PDE4D: variants seen among roughly 807,000 people sequenced by gnomAD.
PDE4D encodes 3',5'-cyclic-AMP phosphodiesterase 4D.
In PDE4D, 24 loss-of-function variants were observed where a neutral mutation model predicts 87.4. The observed-to-expected ratio is 0.27, with a 90% CI of 0.20 to 0.39. The LOEUF is 0.39. Among genes scored for constraint, PDE4D ranks in the 10% least tolerant of loss-of-function variants. The pLI, the probability that PDE4D is intolerant of heterozygous loss-of-function variation, is 1.00. For missense variants in PDE4D, 714 were observed against 1,041.0 expected (o/e 0.69, Z 4.32); for synonymous variants, 384 against 383.2 (o/e 1.00, Z -0.02).
intron 1 of PDE4D, among the ~76,000 whole-genome samples, chr5:60,311,636 TA>T (rs1313242787): frequency 6.6e-6 from 1 of 152,144 alleles, no homozygotes; most frequent in Non-Finnish European, 1.5e-5. Context: ...AGATCACTGA[TA>T]CTATAAAGCA....
chr5:59,207,926 G>A (rs1378065157), intron 2 of PDE4D, among the ~76,000 whole-genome samples: 1 of 151,650 alleles, frequency 6.6e-6, no homozygotes, highest in African/African-American at 2.4e-5. Flanking sequence ...GGGAGGCCAA[G>A]GTGGGAGGAT....
intron 1 of PDE4D, among the ~76,000 whole-genome samples, chr5:59,230,870 C>A (rs1284461813): frequency 1.3e-5 from 2 of 152,174 alleles, no homozygotes; most frequent in East Asian, 3.9e-4. Context: ...GGTTGTGTGG[C>A]CTGAATTACA....
intron 1 of PDE4D, among the ~76,000 whole-genome samples, chr5:60,219,507 C>T (rs2910827): frequency 0.19 from 28,506 of 152,080 alleles, 2,961 homozygotes; most frequent in Middle Eastern, 0.29. Context: ...ACGTCAGATA[C>T]GTGGGATACA....
At chr5:60,005,090 G>A (rs1245175150) in intron 2 of PDE4D, among the ~76,000 whole-genome samples, 1 of 151,906 alleles carries the variant, frequency 6.6e-6, no homozygotes, top group Non-Finnish European at 1.5e-5. Context: ...GAGAAACTGT[G>A]GTGTATATAC....
chr5:59,181,268 GT>G (rs1327827979), intron 4 of PDE4D, among the ~76,000 whole-genome samples: 1 of 151,072 alleles, frequency 6.6e-6, no homozygotes, highest in Non-Finnish European at 1.5e-5. Context: ...TGTTCTCTAA[GT>G]TTTCAGATGT....
intron 1 of PDE4D, among the ~76,000 whole-genome samples, chr5:59,678,342 T>G (rs1034550509): frequency 1.3e-5 from 2 of 152,238 alleles, no homozygotes; most frequent in Admixed American, 1.3e-4. Flanking sequence ...GTTGGTTTCA[T>G]ACTTTAGCCC....
intron 2 of PDE4D, among the ~76,000 whole-genome samples, chr5:59,995,321 CT>C (rs70975357): frequency 1.3e-3 from 188 of 140,100 alleles, no homozygotes; most frequent in African/African-American, 1.6e-3. Flanking sequence ...TTCTTTCTTT[CT>C]TTTTTTTTTT....
intron 2 of PDE4D, among the ~76,000 whole-genome samples, chr5:60,077,432 C>G (rs1448207804): frequency 1.3e-5 from 2 of 152,140 alleles, no homozygotes; most frequent in East Asian, 3.9e-4. Flanking sequence ...GACTGCTATG[C>G]TGGAGCACTC....
intron 2 of PDE4D, among the ~76,000 whole-genome samples, chr5:60,140,079 T>C (rs1780397491): frequency 6.6e-6 from 1 of 152,026 alleles, no homozygotes; most frequent in Non-Finnish European, 1.5e-5. Context: ...TCTATTTAAT[T>C]TGTATTATTG....
chr5:60,038,421 G>C (rs1768063017), intron 2 of PDE4D, among the ~76,000 whole-genome samples: 1 of 152,070 alleles, frequency 6.6e-6, no homozygotes, highest in Admixed American at 6.6e-5. Flanking sequence ...GTTCGTCAAA[G>C]ATCAGATAGT....
chr5:59,512,712 TC>T (rs1417481241), intron 1 of PDE4D, among the ~76,000 whole-genome samples: 1 of 152,090 alleles, frequency 6.6e-6, no homozygotes, highest in Non-Finnish European at 1.5e-5. Flanking sequence ...AACTCAGAAA[TC>T]AGTTGACAGA....
Position 60,197,077 on chromosome 5 carries a change from T to TTAGATAGATAGATAGA in PDE4D, c.-89-11406_-89-11391dup, listed in dbSNP as rs70975372. ...GATAGATAGATAGATAGATAGACAG[T>TTAGATAGATAGATAGA]TAGATAGATAGATAGATAGATAGAT... is the stretch of plus-strand genomic sequence containing the variant. On this transcript the variant is annotated intron_variant, in intron 1 of 16. Coordinates refer to the PDE4D transcript ENST00000502484. 5.8e-4 allele frequency among the ~76,000 whole-genome samples: 68 copies of TTAGATAGATAGATAGA among 117,490 alleles called. 1 individual carries two copies. Among genetic ancestry groups the TTAGATAGATAGATAGA allele is most frequent in the South Asian group, 1.4e-3 (5 of 3,486 alleles). The allele number at this position is 117,490 out of a possible 152,430, so 77.1% of individuals were successfully genotyped here.
At chr5:59,304,205 T>C (rs1261696567) in intron 1 of PDE4D, among the ~76,000 whole-genome samples, 2 of 152,118 alleles carry the variant, frequency 1.3e-5, no homozygotes, top group African/African-American at 4.8e-5. Flanking sequence ...TTGGTCACTG[T>C]TGGTATATAG....
chr5:59,088,751 A>G (rs1218528901), intron 5 of PDE4D, among the ~76,000 whole-genome samples: 3 of 152,162 alleles, frequency 2.0e-5, no homozygotes, highest in Admixed American at 1.3e-4. Flanking sequence ...ACTCATGGAC[A>G]CATAGAGGGA....
chr5:59,832,012 T>C (rs961885567), intron 1 of PDE4D, among the ~76,000 whole-genome samples: 1 of 152,080 alleles, frequency 6.6e-6, no homozygotes, highest in Non-Finnish European at 1.5e-5. Flanking sequence ...TACATATCTA[T>C]TTGAATTTCA....
intron 1 of PDE4D, among the ~76,000 whole-genome samples, chr5:59,515,441 C>G (rs1454636776): frequency 6.6e-6 from 1 of 151,880 alleles, no homozygotes; most frequent in East Asian, 1.9e-4. Context: ...TGCAGCCAGT[C>G]AATAAATCAT....
At chr5:59,868,297 A>T (rs1383514683) in intron 1 of PDE4D, among the ~76,000 whole-genome samples, 1 of 152,162 alleles carries the variant, frequency 6.6e-6, no homozygotes, top group Non-Finnish European at 1.5e-5. Context: ...ACTATTTTCC[A>T]AAAAACTGTG....
chr5:58,976,322 C>A lies in PDE4D; in HGVS notation c.1830+28G>T, dbSNP rs768421049. On this transcript the variant is annotated intron_variant, in intron 13 of 14. Coordinates refer to ENST00000340635, the MANE Select transcript of PDE4D (RefSeq NM_001104631.2). ...GTGCACATGTGCACAGACACACACA[C>A]ACAGAGCAAACTCAAACAAGGCTTT... 20 of 1,610,574 alleles carry A rather than the reference C, an allele frequency of 1.2e-5. No homozygotes were observed. In the South Asian group the frequency reaches 1.7e-4, roughly 13 times the overall value.
intron 2 of PDE4D, among the ~76,000 whole-genome samples, chr5:59,994,914 C>A (rs1348280006): frequency 6.6e-6 from 1 of 152,114 alleles, no homozygotes; most frequent in Non-Finnish European, 1.5e-5. Context: ...ACCTTTGATG[C>A]TTGTGTCGGG....
Sources: gnomAD v4.1 joint callset for allele counts (sites outside exome capture counted in the v4.1 genomes callset) on GRCh38, gnomAD v4.1.1 for gene constraint, MANE v1.5 for transcripts, NCBI Gene and HGNC (gene_info 2026-07-23, HGNC 2026-07-21) for gene names.